Variants in RELCH observed in about 807,000 individuals in gnomAD.
RELCH encodes the protein RAB11 binding and LisH domain, coiled-coil and HEAT repeat containing.
A neutral mutation model predicts 150.3 loss-of-function variants in RELCH; 41 were observed. That is an observed-to-expected ratio of 0.27 (90% CI 0.21 to 0.35). The LOEUF is 0.35. RELCH is among the 10% of genes least tolerant of loss of function. The probability of loss-of-function intolerance (pLI) is 1.00; values close to 1 mark genes in which losing one functional copy is unlikely to be tolerated. For missense variants in RELCH, 1,092 were observed against 1,467.8 expected (o/e 0.74, Z 4.18); for synonymous variants, 478 against 531.8 (o/e 0.90, Z 1.39).
Position 62,219,325 on chromosome 18 carries a change from C to CTT in RELCH, c.617-1697_617-1696dup, listed in dbSNP as rs202196452. 1.6e-3 allele frequency among the ~76,000 whole-genome samples: 180 copies of CTT among 112,854 alleles called. 2 individuals are homozygous for CTT. The highest frequency in any genetic ancestry group is 9.6e-3 in the South Asian group (32 of 3,346). The allele number at this position is 112,854 out of a possible 152,430, so 74.0% of individuals were successfully genotyped here. A position where few individuals can be genotyped will look rare whatever the true frequency, so the allele number is the denominator to read the frequency against. On this transcript the variant is annotated intron_variant, in intron 2 of 28. Coordinates refer to ENST00000644646, the MANE Select transcript of RELCH (RefSeq NM_001346231.2). The stretch of plus-strand genomic sequence containing the variant: ...TTAACCAGTTTTTTTTTCTTTTTTT[C>CTT]TTTTTTTTTTTTTTTTCATATTTCT...
chr18:62,291,771 A>G (rs1245029275), intron 27 of RELCH, 140 bp downstream of exon 27: 4 of 601,018 alleles, frequency 6.7e-6, no homozygotes, highest in African/African-American at 3.9e-5. Context: ...TTTATTTACT[A>G]GATGCGATAT....
chr18:62,273,549 T>C (rs2144842213), intron 20 of RELCH, among the ~76,000 whole-genome samples: 1 of 152,312 alleles, frequency 6.6e-6, no homozygotes, highest in East Asian at 1.9e-4. Context: ...GATTATACTT[T>C]TTAATGTTCT....
In RELCH at chr18:62,221,513, G is replaced by T; in HGVS notation, c.858+16G>T. The T allele has an allele frequency of 1.5e-5, 17 of 1,156,278 alleles. No homozygotes were observed. The highest frequency in any genetic ancestry group is 1.1e-4 in the East Asian group (4 of 36,640). The allele number at this position is 1,156,278 out of a possible 1,614,324, so 71.6% of individuals were successfully genotyped here. A position where few individuals can be genotyped will look rare whatever the true frequency, so the allele number is the denominator to read the frequency against. On this transcript the variant is annotated intron_variant, in intron 5 of 28. Transcript: ENST00000644646. ...CGATGATCAGGTAAAGTTACTTTTTGTTTTTACAGTGATTTTTTTCTACAC... is the reference window on the plus strand; with the variant it reads ...CGATGATCAGGTAAAGTTACTTTTTTTTTTTACAGTGATTTTTTTCTACAC...
chr18:62,286,389 T>C (rs1193135309), intron 25 of RELCH, among the ~76,000 whole-genome samples: 11 of 152,172 alleles, frequency 7.2e-5, no homozygotes, highest in Non-Finnish European at 1.5e-5. Context: ...ATCATTGTTA[T>C]TCTGAGTTTT....
intron 10 of RELCH, among the ~76,000 whole-genome samples, chr18:62,238,524 T>C (rs28530568): frequency 6.6e-6 from 1 of 152,092 alleles, no homozygotes; most frequent in Non-Finnish European, 1.5e-5. Flanking sequence ...TAGAATTTTT[T>C]AAAAGATTAC....
At chr18:62,268,217 A>G (rs1346308515) in intron 19 of RELCH, among the ~76,000 whole-genome samples, 2 of 152,220 alleles carry the variant, frequency 1.3e-5, no homozygotes, top group Admixed American at 1.3e-4. Flanking sequence ...GCTGTGAATG[A>G]TAATTGTCCT....
At chr18:62,221,358 C>A in intron 4 of RELCH, 26 bp from the exon 5 acceptor site, 1 of 1,545,510 alleles carries the variant, frequency 6.5e-7, no homozygotes, top group South Asian at 1.1e-5. Flanking sequence ...TTATGATTTC[C>A]TGTTTGCCTC....
At chr18:62,283,130 A>G (rs930624239) in intron 25 of RELCH, among the ~76,000 whole-genome samples, 6 of 152,182 alleles carry the variant, frequency 3.9e-5, no homozygotes, top group Non-Finnish European at 8.8e-5. Flanking sequence ...TTTTATTTTT[A>G]AGGAAATTTT....
chr18:62,226,478 TC>T (rs2148403826), intron 5 of RELCH, among the ~76,000 whole-genome samples: 1 of 152,170 alleles, frequency 6.6e-6, no homozygotes, highest in East Asian at 1.9e-4. Context: ...TTAAATTGTT[TC>T]CCTACCCATT....
At chr18:62,229,779 T>G (rs1197321058) in intron 8 of RELCH, among the ~76,000 whole-genome samples, 1 of 151,750 alleles carries the variant, frequency 6.6e-6, no homozygotes, top group Non-Finnish European at 1.5e-5. Flanking sequence ...AAAGAAAGAG[T>G]GTTCCCACAT....
At chr18:62,235,652 T>G (rs1195143747) in intron 10 of RELCH, among the ~76,000 whole-genome samples, 1 of 152,062 alleles carries the variant, frequency 6.6e-6, no homozygotes, top group Non-Finnish European at 1.5e-5. Flanking sequence ...TAGTATACAA[T>G]TCTTTCACTT....
rs953075546 is a variant in RELCH, at chr18:62,211,984, TAAG to T, written c.616+746_616+748del. 1.4e-4 allele frequency among the ~76,000 whole-genome samples: 21 copies of T among 152,236 alleles called. No homozygotes were observed. The East Asian group carries it at 3.1e-3, about 22-fold the overall frequency. ...GCCTCCAGGACACTGCCCATCCCAA[TAAG>T]AAGGACAACATCCTTTTTAATTGCT... On this transcript the variant is annotated intron_variant, in intron 2 of 28. Coordinates refer to ENST00000644646, the MANE Select transcript of RELCH (RefSeq NM_001346231.2).
chr18:62,268,109 A>T (rs2043688331), intron 19 of RELCH, among the ~76,000 whole-genome samples: 1 of 152,104 alleles, frequency 6.6e-6, no homozygotes, highest in Non-Finnish European at 1.5e-5. Flanking sequence ...CCATATAAAA[A>T]ATAAGTATAG....
Position 62,232,406 on chromosome 18 carries a change from T to G in RELCH, c.1599T>G (p.Asn533Lys). Residue 533 changes from asparagine to lysine, a missense_variant, in exon 10 of 29, where the codon AAT becomes AAG. This residue lies in a region of RELCH where 707 missense variants were observed against 1,025.4 expected (regional missense o/e 0.69). Coordinates refer to ENST00000644646, the MANE Select transcript of RELCH (RefSeq NM_001346231.2). The part of the protein sequence containing the change: ...LGRCLPHIVP[N>K]VLLAKREELI... ...GCTGCCTGCCACACATTGTTCCCAA[T>G]GTGCTATTGGCAAAGAGAGAGGTAA... 1 of 1,609,756 alleles carries G rather than the reference T, an allele frequency of 6.2e-7. No individual in the cohort carries two copies. Among genetic ancestry groups the G allele is most frequent in the Non-Finnish European group, 8.5e-7 (1 of 1,176,616 alleles).
intron 26 of RELCH, among the ~76,000 whole-genome samples, chr18:62,289,774 T>C (rs952333018): frequency 2.0e-5 from 3 of 152,220 alleles, no homozygotes; most frequent in African/African-American, 7.2e-5. Flanking sequence ...TAATTACCTT[T>C]AACTTTCGAA....
chr18:62,277,737 T>C (rs1445059481), intron 22 of RELCH: 1 of 881,300 alleles, frequency 1.1e-6, no homozygotes, highest in Non-Finnish European at 1.4e-6. Context: ...TCAATCATAT[T>C]ATTCCCATTG....
intron 25 of RELCH, 120 bp downstream of exon 25, chr18:62,282,564 G>A (rs2044573909): frequency 1.1e-6 from 1 of 928,454 alleles, no homozygotes; most frequent in Non-Finnish European, 1.7e-6. Flanking sequence ...AAAGCCTTGT[G>A]TACTGAAAGC....
At chr18:62,287,202 AGCAAGTATAAGATATGGGTAATC>A in intron 25 of RELCH, 126 bp from the exon 26 acceptor site, 1 of 569,774 alleles carries the variant, frequency 1.8e-6, no homozygotes, top group South Asian at 2.1e-5. Context: ...GTTAAGAAAA[AGCAAGTATAAGATATGGGTAATC>A]TTTTGAAGTC....
intron 27 of RELCH, among the ~76,000 whole-genome samples, chr18:62,296,018 G>T (rs2939418): frequency 2.6e-5 from 4 of 151,938 alleles, no homozygotes; most frequent in Non-Finnish European, 5.9e-5. Flanking sequence ...GGGGCAGGGG[G>T]AATTATCTTG....
Sources: gnomAD v4.1 joint callset for allele counts (sites outside exome capture counted in the v4.1 genomes callset) on GRCh38, gnomAD v4.1.1 for gene constraint, gnomAD v4.1.1 regional missense constraint, MANE v1.5 for transcripts, NCBI Gene and HGNC (gene_info 2026-07-23, HGNC 2026-07-21) for gene names.